Variants in CLASRP observed in about 807,000 individuals in gnomAD.
CLASRP encodes the protein CLK4 associating serine/arginine rich protein.
Under a neutral mutation model 99.9 loss-of-function variants are expected in CLASRP, and 52 were observed. The ratio of observed to expected loss-of-function variants is 0.52; its 90% CI spans 0.42 to 0.66. The LOEUF is 0.66. CLASRP is among the 30% of genes least tolerant of loss of function. CLASRP has a pLI of 0.00. For synonymous variants in CLASRP, 379 were observed against 373.0 expected, an observed-to-expected ratio of 1.02 and a Z score of -0.18; for missense variants, 848 against 999.2, an observed-to-expected ratio of 0.85 and a Z score of 2.04.
intron 10 of CLASRP, among the ~76,000 whole-genome samples, chr19:45,061,467 CT>C (rs1288276578): frequency 6.7e-6 from 1 of 149,488 alleles, no homozygotes; most frequent in Admixed American, 6.7e-5. Context: ...GATAGTCTCT[CT>C]TTTTTTTTTC....
At position 45,070,855 on chromosome 19, in the gene CLASRP, T is replaced by C. The variant is rs201269048; in HGVS notation, c.*10T>C. 9.4e-7 allele frequency: 1 copy of C among 1,068,398 alleles called. No homozygotes were observed. The highest frequency in any genetic ancestry group is 1.4e-5 in the South Asian group (1 of 73,090). The allele number at this position is 1,068,398 out of a possible 1,614,324, so 66.2% of individuals were successfully genotyped here. Reference sequence around the variant, plus strand: ...CCATTACCGACATTAGGCAGAAGAGTGGGGGGTGGGGAGGACAAGGGGGTG... The same window carrying C: ...CCATTACCGACATTAGGCAGAAGAGCGGGGGGTGGGGAGGACAAGGGGGTG... On this transcript the variant is annotated 3_prime_UTR_variant, in exon 21 of 21. Transcript: ENST00000221455.
chr19:45,058,764 C>T (rs1315202932), intron 7 of CLASRP, among the ~76,000 whole-genome samples: 8 of 152,050 alleles, frequency 5.3e-5, no homozygotes, highest in Admixed American at 3.9e-4. Context: ...GCTTATCACA[C>T]GCCCTGCTTC....
chr19:45,064,348 GCTC>G lies in CLASRP; in HGVS notation c.1149_1151del (p.Ser385del), dbSNP rs756241064. ...CCTCCGTGCCCCGCCTGCAGCCGCC[GCTC>G]CTCCTCCTCCTCCTCCTCCTCTTCT... On this transcript the variant is annotated inframe_deletion, in exon 13 of 21. Transcript: ENST00000221455. 3.2e-3 allele frequency: 4,549 copies of G among 1,419,310 alleles called. No homozygotes were observed. Among genetic ancestry groups the G allele is most frequent in the South Asian group, 4.1e-3 (283 of 69,638 alleles). 87.9% of individuals were successfully genotyped at this position (1,419,310 alleles called of 1,614,324 possible). A position where few individuals can be genotyped will look rare whatever the true frequency, so the allele number is the denominator to read the frequency against.
chr19:45,052,017 G>T, intron 2 of CLASRP, 54 bp from the exon 3 acceptor site: 4 of 1,379,234 alleles, frequency 2.9e-6, no homozygotes, highest in Non-Finnish European at 4.1e-6. Context: ...TGTGTGAGGG[G>T]GTGGGGTTTG....
At chr19:45,049,610 G>A (rs1482425813) in intron 2 of CLASRP, among the ~76,000 whole-genome samples, 1 of 152,216 alleles carries the variant, frequency 6.6e-6, no homozygotes, top group East Asian at 1.9e-4. Context: ...TGCTGGCTGA[G>A]GGCTGAGATG....
At position 45,068,515 on chromosome 19, in the gene CLASRP, C is replaced by T. The variant is rs1261587308; in HGVS notation, c.1768+35C>T. ...GCCCTGTCCCTCCAGGGTTTCACAGCTCTTCTTTCCCTTGGCAGTGGGAGC... is the reference window on the plus strand; with the variant it reads ...GCCCTGTCCCTCCAGGGTTTCACAGTTCTTCTTTCCCTTGGCAGTGGGAGC... On this transcript the variant is annotated intron_variant, in intron 16 of 20. Transcript: ENST00000221455. 5 of 1,512,414 alleles carry T rather than the reference C, an allele frequency of 3.3e-6. No homozygotes were observed. In the Admixed American group the frequency reaches 8.4e-5, roughly 25 times the overall value. The allele number at this position is 1,512,414 out of a possible 1,614,324, so 93.7% of individuals were successfully genotyped here. A position where few individuals can be genotyped will look rare whatever the true frequency, so the allele number is the denominator to read the frequency against.
Position 45,060,299 on chromosome 19 carries a change from G to A in CLASRP, c.711-90G>A. Reference sequence around the variant, plus strand: ...CTCAGGCTGGCGTGGGGTGACTCAGGTCCCTCACTTTCTCTGATGACTCAG... The same window carrying A: ...CTCAGGCTGGCGTGGGGTGACTCAGATCCCTCACTTTCTCTGATGACTCAG... On this transcript the variant is annotated intron_variant, in intron 8 of 20. Transcript: ENST00000221455. The surrounding 1 kb of genome is among the most constrained non-coding windows in gnomAD (Gnocchi z 4.6). 8.4e-7 allele frequency: 1 copy of A among 1,193,524 alleles called. No homozygotes were observed. The highest frequency in any genetic ancestry group is 1.2e-5 in the South Asian group (1 of 80,994). 73.9% of individuals were successfully genotyped at this position (1,193,524 alleles called of 1,614,324 possible). A position where few individuals can be genotyped will look rare whatever the true frequency, so the allele number is the denominator to read the frequency against.
Position 45,067,138 on chromosome 19 carries a change from C to A in CLASRP, c.1410-199C>A, listed in dbSNP as rs574121566. Among the ~76,000 whole-genome samples, 4 of 152,196 alleles carry A rather than the reference C, an allele frequency of 2.6e-5. No homozygotes were observed. In the South Asian group the frequency reaches 8.3e-4, roughly 32 times the overall value. Reference sequence around the variant, plus strand: ...AGGACTGCCCTTAGGCTGAGTGTATCTAGAGCGCCATCTCTGTAGCCGGAG... The same window carrying A: ...AGGACTGCCCTTAGGCTGAGTGTATATAGAGCGCCATCTCTGTAGCCGGAG... On this transcript the variant is annotated intron_variant, in intron 13 of 20. Coordinates refer to ENST00000221455, the MANE Select transcript of CLASRP (RefSeq NM_007056.3). The surrounding 1 kb of genome is among the most constrained non-coding windows in gnomAD (Gnocchi z 4.9).
chr19:45,070,400 G>T (rs2122623589), intron 19 of CLASRP, 137 bp from the exon 20 acceptor site: 3 of 799,848 alleles, frequency 3.8e-6, no homozygotes, highest in Middle Eastern at 2.5e-4. Context: ...ACAGATGGCA[G>T]CCACTGGACT....
At chr19:45,068,154 G>T in intron 15 of CLASRP, 100 bp downstream of exon 15, 1 of 1,060,134 alleles carries the variant, frequency 9.4e-7, no homozygotes, top group Non-Finnish European at 1.5e-6. Context: ...TGGGCTGGGA[G>T]ATCCAGCCCC....
chr19:45,063,823 A>C (rs1386717255), intron 11 of CLASRP, among the ~76,000 whole-genome samples, 189 bp from the exon 12 acceptor site: 1 of 152,122 alleles, frequency 6.6e-6, no homozygotes, highest in Non-Finnish European at 1.5e-5. Context: ...TATTTAGCGA[A>C]GGCTGCATGG....
rs751189384 is a variant in CLASRP, at chr19:45,039,116, C to A, written c.-30+8C>A. ...GGAGGCGGCGACCAGCCGGTGAGTG[C>A]AGGCTGCGGCTCGACCTCCCGGTTT... On this transcript the variant is annotated splice_region_variant and intron_variant, in intron 1 of 20. Transcript: ENST00000221455. The A allele has an allele frequency of 6.6e-6, 1 of 152,218 alleles. No homozygotes were observed. The highest frequency in any genetic ancestry group is 1.5e-5 in the Non-Finnish European group (1 of 68,068). 9.4% of individuals were successfully genotyped at this position (152,218 alleles called of 1,614,324 possible).
At chr19:45,043,273 G>T (rs902817905) in intron 2 of CLASRP, among the ~76,000 whole-genome samples, 1 of 150,456 alleles carries the variant, frequency 6.6e-6, no homozygotes, top group African/African-American at 2.5e-5. Flanking sequence ...TTAGCTGGGC[G>T]TGGTGGTGGG....
At chr19:45,045,517 TA>T (rs71338744) in intron 2 of CLASRP, among the ~76,000 whole-genome samples, 2,784 of 151,408 alleles carry the variant, frequency 0.018, 45 homozygotes, top group Non-Finnish European at 0.028. Context: ...ACCCTGTCTT[TA>T]AAAAAAAAGT....
Position 45,068,484 on chromosome 19 carries a change from T to C in CLASRP, c.1768+4T>C. The C allele has an allele frequency of 4.4e-6, 7 of 1,605,512 alleles. No homozygotes were observed. Among genetic ancestry groups the C allele is most frequent in the South Asian group, 2.2e-5 (2 of 90,942 alleles). On this transcript the variant is annotated splice_donor_region_variant and intron_variant, in intron 16 of 20. Coordinates refer to ENST00000221455, the MANE Select transcript of CLASRP (RefSeq NM_007056.3). ...CAGAAGGCGCTGAACAGGCAGTGTA[T>C]GTTCTGCCCTGTCCCTCCAGGGTTT...
chr19:45,065,401 A>G (rs971998965), intron 13 of CLASRP, among the ~76,000 whole-genome samples: 5 of 149,862 alleles, frequency 3.3e-5, no homozygotes, highest in African/African-American at 1.2e-4. Flanking sequence ...AAAAAAAAAA[A>G]AAAAAAAAAA....
At position 45,064,572 on chromosome 19, in the gene CLASRP, C is replaced by T. The variant is rs1370004753; in HGVS notation, c.1351C>T (p.His451Tyr). The T allele has an allele frequency of 5.2e-6, 8 of 1,541,518 alleles. No individual in the cohort carries two copies. The African/African-American group carries it at 5.5e-5, about 11-fold the overall frequency. The change falls in exon 13 of 21, where the codon CAC becomes TAC. Residue 451 changes from histidine (H) to tyrosine (Y), a missense_variant. Physicochemically the swap from His to Tyr is moderately conservative, Grantham distance 83. Transcript: ENST00000221455. Reference protein sequence around the residue: ...RHSGGGSRDGHRYSRSPARRG... With the variant: ...RHSGGGSRDGYRYSRSPARRG... ...CTCAGGTGGGGGCTCCCGAGACGGA[C>T]ACCGGTACTCCCGCTCGCCCGCCCG...
chr19:45,069,014 G>C (rs932611610), intron 16 of CLASRP, 52 bp from the exon 17 acceptor site: 1 of 1,382,480 alleles, frequency 7.2e-7, no homozygotes, highest in Non-Finnish European at 1.0e-6. Context: ...AGAAAAAAGA[G>C]AGTGGGGCTC....
chr19:45,057,654 G>C (rs1972144546), intron 6 of CLASRP, 96 bp from the exon 7 acceptor site: 7 of 1,416,206 alleles, frequency 4.9e-6, no homozygotes, highest in Non-Finnish European at 6.9e-6. Flanking sequence ...AGCCTGAGGG[G>C]AGGGGGCCGT....
Sources: gnomAD v4.1 joint callset for allele counts (sites outside exome capture counted in the v4.1 genomes callset) on GRCh38, gnomAD v4.1.1 for gene constraint, Gnocchi (gnomAD v3.1) non-coding constraint, MANE v1.5 for transcripts, NCBI Gene and HGNC (gene_info 2026-07-23, HGNC 2026-07-21) for gene names.